Variants in MRFAP1L2 observed in about 807,000 individuals in gnomAD.
MRFAP1L2 encodes Morf4 family associated protein 1 like 2.
At chr4:6,674,471 C>A in the MRFAP1L2 span, 2 of 662,966 alleles carry the variant, frequency 3.0e-6, no homozygotes, top group South Asian at 1.6e-5. Flanking sequence ...GCGGGTGGCT[C>A]GGCTGTGCGC....
the MRFAP1L2 span, chr4:6,674,132 G>A: frequency 2.6e-6 from 1 of 385,568 alleles, no homozygotes. Context: ...TAGTCTGGTC[G>A]TTGGTGACAG....
the MRFAP1L2 span, chr4:6,674,377 G>A: frequency 2.3e-5 from 15 of 648,706 alleles, no homozygotes; most frequent in East Asian, 4.6e-4. Flanking sequence ...TCCAGAGCCT[G>A]CTCGACGCCA....
the MRFAP1L2 span, chr4:6,675,823 C>T: frequency 6.6e-6 from 1 of 152,204 alleles, no homozygotes; most frequent in East Asian, 1.9e-4. Context: ...TCAAGCTGGC[C>T]ATGGGGGTCC....
chr4:6,674,580 A>C, the MRFAP1L2 span: 1 of 632,572 alleles, frequency 1.6e-6, no homozygotes, highest in South Asian at 1.7e-5. Flanking sequence ...TGAGCCGGCG[A>C]GGCCGCGCGG....
the MRFAP1L2 span, chr4:6,674,557 C>T: frequency 1.5e-6 from 1 of 659,184 alleles, no homozygotes; most frequent in African/African-American, 1.9e-5. Context: ...GGATCGCCGG[C>T]TGCGAGTGCT....
At chr4:6,674,882 G>A in the MRFAP1L2 span, 3 of 311,516 alleles carry the variant, frequency 9.6e-6, no homozygotes, top group South Asian at 2.0e-4. Flanking sequence ...TGACCTTCCT[G>A]CAGGTGGAAG....
the MRFAP1L2 span, chr4:6,674,631 G>A: frequency 1.8e-6 from 1 of 564,788 alleles, no homozygotes; most frequent in Non-Finnish European, 3.1e-6. Context: ...CGCGTGGAAG[G>A]CGCTGGGTAG....
At chr4:6,674,537 C>A in the MRFAP1L2 span, 3 of 667,492 alleles carry the variant, frequency 4.5e-6, no homozygotes, top group Non-Finnish European at 8.1e-6. Context: ...GATCGTGGAG[C>A]TGCACCAGCG....
the MRFAP1L2 span, chr4:6,676,034 A>AT: frequency 2.0e-5 from 3 of 152,246 alleles, no homozygotes; most frequent in Admixed American, 2.0e-4. Context: ...GTAAATAAAC[A>AT]TTTTTCAAAA....
At chr4:6,674,705 A>C in the MRFAP1L2 span, 1 of 523,780 alleles carries the variant, frequency 1.9e-6, no homozygotes, top group Non-Finnish European at 3.3e-6. Flanking sequence ...CTTTTTTCAT[A>C]GGTAATTAGA....
the MRFAP1L2 span, chr4:6,674,817 C>G: frequency 4.5e-6 from 2 of 445,578 alleles, no homozygotes; most frequent in Non-Finnish European, 7.9e-6. Context: ...AGGTGTGAAG[C>G]GGAGGTACAT....
chr4:6,675,104 T>G, the MRFAP1L2 span: 1 of 152,354 alleles, frequency 6.6e-6, no homozygotes. Context: ...CTGCGTTTTC[T>G]CCACATTAGC....
chr4:6,675,249 A>G, the MRFAP1L2 span: 1 of 152,256 alleles, frequency 6.6e-6, no homozygotes, highest in Non-Finnish European at 1.5e-5. Flanking sequence ...TATGGCCTAT[A>G]CAGTACGTAC....
the MRFAP1L2 span, chr4:6,674,819 G>C: frequency 4.5e-6 from 2 of 446,888 alleles, no homozygotes; most frequent in Non-Finnish European, 7.9e-6. Flanking sequence ...GTGTGAAGCG[G>C]AGGTACATGC....
At chr4:6,674,893 C>G in the MRFAP1L2 span, 3 of 291,702 alleles carry the variant, frequency 1.0e-5, no homozygotes, top group African/African-American at 6.6e-5. Context: ...CAGGTGGAAG[C>G]ATTGTGCACA....
chr4:6,674,554 C>T, the MRFAP1L2 span: 7 of 660,694 alleles, frequency 1.1e-5, no homozygotes, highest in African/African-American at 1.9e-5. Context: ...AGCGGATCGC[C>T]GGCTGCGAGT....
At chr4:6,674,321 G>C in the MRFAP1L2 span, 1 of 619,320 alleles carries the variant, frequency 1.6e-6, no homozygotes, top group Non-Finnish European at 2.9e-6. Flanking sequence ...CCTGGAGCGC[G>C]AGCGCGCCCG....
the MRFAP1L2 span, chr4:6,674,582 G>A: frequency 3.2e-6 from 2 of 630,936 alleles, no homozygotes; most frequent in East Asian, 6.5e-5. Flanking sequence ...AGCCGGCGAG[G>A]CCGCGCGGGT....
the MRFAP1L2 span, chr4:6,675,462 T>C: frequency 6.6e-6 from 1 of 150,816 alleles, no homozygotes; most frequent in African/African-American, 2.4e-5. Context: ...AAGTTGTGAA[T>C]GCGACTTTGG....
Sources: allele counts gnomAD v4.1 joint callset, GRCh38; gene constraint gnomAD v4.1.1; transcripts MANE v1.5; gene names NCBI Gene and HGNC (gene_info 2026-07-23, HGNC 2026-07-21).